MAGEL2: variants seen among roughly 807,000 people sequenced by gnomAD.
MAGEL2 encodes MAGE-like protein 2.
For missense variants in MAGEL2, 1,830 were observed against 1,699.2 expected (o/e 1.08, Z -1.35); for synonymous variants, 792 against 721.7 (o/e 1.10, Z -1.56).
Position 23,646,142 on chromosome 15 carries a change from G to T in MAGEL2, c.1601C>A (p.Pro534Gln). ...RQAPQARLPA[P>Q]QVQAAPQVPT... ...CACCTGCGGCGCCGCCTGCACCTGC[G>T]GGGCCGGCAGCCTAGCCTGCGGGGC... The change falls in exon 1 of 1, where the codon CCG becomes CAG. Residue 534 changes from proline (P) to glutamine (Q), a missense_variant. Physicochemically the swap from Pro to Gln is moderately conservative, Grantham distance 76. Transcript: ENST00000650528. This position sits in a 1 kb window ranked among gnomAD's most constrained non-coding sequence, Gnocchi z 4.2. 1 of 1,348,670 alleles carries T rather than the reference G, an allele frequency of 7.4e-7. No individual in the cohort carries two copies. Among genetic ancestry groups the T allele is most frequent in the Non-Finnish European group, 9.4e-7 (1 of 1,058,638 alleles). 83.5% of individuals were successfully genotyped at this position (1,348,670 alleles called of 1,614,324 possible).
At position 23,643,702 on chromosome 15, in the gene MAGEL2, T is replaced by C. The variant is rs2140711300; in HGVS notation, c.*291A>G. 3.0e-6 allele frequency: 1 copy of C among 328,900 alleles called. No individual in the cohort carries two copies. The highest frequency in any genetic ancestry group is 2.1e-5 in the African/African-American group (1 of 47,182). 20.4% of individuals were successfully genotyped at this position (328,900 alleles called of 1,614,324 possible). On this transcript the variant is annotated 3_prime_UTR_variant, in exon 1 of 1. Transcript: ENST00000650528. ...GAGATGGATAGCTTCTCAATTCATT[T>C]CACAAAGCCAGCACAAAGCTGATAC...
In MAGEL2 at chr15:23,644,640, C is replaced by T; in HGVS notation, c.3103G>A (p.Asp1035Asn). 1 of 1,613,888 alleles carries T rather than the reference C, an allele frequency of 6.2e-7. No individual in the cohort carries two copies. Among genetic ancestry groups the T allele is most frequent in the Non-Finnish European group, 8.5e-7 (1 of 1,179,882 alleles). ...NALVQFLLVKDQAKVPVQRSE... is the reference protein window; with the variant it reads ...NALVQFLLVKNQAKVPVQRSE... ...CGCTGGACAGGCACCTTGGCTTGGT[C>T]CTTGACTAAGAGGAACTGCACCAAC... is the stretch of plus-strand genomic sequence containing the variant. The change falls in exon 1 of 1, where the codon GAC becomes AAC. Residue 1035 changes from aspartate to asparagine, a missense_variant. By Grantham distance (23) the Asp-to-Asn change is conservative. Transcript: ENST00000650528.
Position 23,647,179 on chromosome 15 carries a change from C to A in MAGEL2, c.564G>T (p.Pro188=), listed in dbSNP as rs899548958. The A allele has an allele frequency of 8.5e-6, 13 of 1,521,270 alleles. No individual in the cohort carries two copies. The African/African-American group carries it at 1.8e-4, about 21-fold the overall frequency. 94.2% of individuals were successfully genotyped at this position (1,521,270 alleles called of 1,614,324 possible). A position where few individuals can be genotyped will look rare whatever the true frequency, so the allele number is the denominator to read the frequency against. The change falls in exon 1 of 1, where the codon CCG becomes CCT. Residue 188 remains proline (P), a synonymous_variant. Coordinates refer to ENST00000650528, the MANE Select transcript of MAGEL2 (RefSeq NM_019066.5). ...PMVHPPPPGT[P]MAHPPPPGTP... ...TCCCCGGAGGGGGAGGATGAGCCAT[C>A]GGGGTCCCCGGAGGAGGAGGATGCA...
rs376561425 is a variant in MAGEL2, at chr15:23,646,396, G to T, written c.1347C>A (p.Pro449=). ...TCACGGGTGGGGCCTGGCGGATCAC[G>T]GGTGGGGCCTGGCGGATCACCGGTG... is the stretch of plus-strand genomic sequence containing the variant. The part of the protein sequence containing the change: ...QAPPVIRQAP[P]VIRQAPPVIR... The change falls in exon 1 of 1, where the codon CCC becomes CCA. Residue 449 remains proline (P), a synonymous_variant. Transcript: ENST00000650528. The surrounding 1 kb of genome is among the most constrained non-coding windows in gnomAD (Gnocchi z 4.2). The T allele has an allele frequency of 2.9e-6, 4 of 1,378,056 alleles. No individual in the cohort carries two copies. Among genetic ancestry groups the T allele is most frequent in the Admixed American group, 3.6e-5 (1 of 28,030 alleles). The allele number at this position is 1,378,056 out of a possible 1,614,324, so 85.4% of individuals were successfully genotyped here.
At position 23,644,453 on chromosome 15, in the gene MAGEL2, G is replaced by C. The variant is rs1388240703; in HGVS notation, c.3290C>G (p.Thr1097Arg). Reference sequence around the variant, plus strand: ...TAAATAGGATGCCACCAAATTCCCTGTATGGTAGCCCAGCTTGTTGATGAT... The same window carrying C: ...TAAATAGGATGCCACCAAATTCCCTCTATGGTAGCCCAGCTTGTTGATGAT... ...YIIINKLGYH[T>R]GNLVASYLDR... The change falls in exon 1 of 1, where the codon ACA (threonine) becomes AGA (arginine). Residue 1097 changes from threonine (T) to arginine (R), a missense_variant. By Grantham distance (71) the Thr-to-Arg change is moderately conservative. Transcript: ENST00000650528. 1.9e-6 allele frequency: 3 copies of C among 1,613,918 alleles called. No homozygotes were observed. The highest frequency in any genetic ancestry group is 2.2e-5 in the South Asian group (2 of 91,080).
At position 23,644,512 on chromosome 15, in the gene MAGEL2, C is replaced by T. The variant is rs915480545; in HGVS notation, c.3231G>A (p.Leu1077=). Residue 1077 remains leucine (L), a synonymous_variant, in exon 1 of 1, where the codon TTG becomes TTA. Transcript: ENST00000650528. ...CGTGGTTTTTGGTATCAATTTCTTT[C>T]AATTGATAACCAAAGGCACACTCCA... ...NKLECAFGYQ[L]KEIDTKNHAY... 12 of 1,613,744 alleles carry T rather than the reference C, an allele frequency of 7.4e-6. No individual in the cohort carries two copies. The highest frequency in any genetic ancestry group is 1.0e-5 in the Non-Finnish European group (12 of 1,179,868).
Position 23,644,881 on chromosome 15 carries a change from G to T in MAGEL2, c.2862C>A (p.Ile954=). Residue 954 remains isoleucine (I), a synonymous_variant, in exon 1 of 1, where the codon ATC becomes ATA. Coordinates refer to ENST00000650528, the MANE Select transcript of MAGEL2 (RefSeq NM_019066.5). Reference sequence around the variant, plus strand: ...CGCTGGGCCCTTCCCAGCCACTCAGGATCCTGGAGGTGCTAGGGCCCTCCC... The same window carrying T: ...CGCTGGGCCCTTCCCAGCCACTCAGTATCCTGGAGGTGCTAGGGCCCTCCC... ...SGWEGPSTSR[I]LSGWEGPSAS... The T allele has an allele frequency of 6.2e-7, 1 of 1,612,796 alleles. No individual in the cohort carries two copies. The highest frequency in any genetic ancestry group is 8.5e-7 in the Non-Finnish European group (1 of 1,179,842).
Position 23,646,801 on chromosome 15 carries a change from T to A in MAGEL2, c.942A>T (p.Pro314=). Residue 314 remains proline (P), a synonymous_variant, in exon 1 of 1, where the codon CCA becomes CCT. Coordinates refer to ENST00000650528, the MANE Select transcript of MAGEL2 (RefSeq NM_019066.5). This position sits in a 1 kb window ranked among gnomAD's most constrained non-coding sequence, Gnocchi z 4.2. ...CAGGTGGGGCCATCGGCTGTGCAGG[T>A]GGGGCCGCCGGCTGTGCCATCGGTG... ...SGAPMAQPAA[P]PAQPMAPPAQ... is the part of the protein sequence containing the mutation. 3.3e-6 allele frequency: 5 copies of A among 1,535,086 alleles called. No individual in the cohort carries two copies. Among genetic ancestry groups the A allele is most frequent in the Middle Eastern group, 1.7e-4 (1 of 5,976 alleles).
At position 23,647,218 on chromosome 15, in the gene MAGEL2, CGGA is replaced by C. The variant is rs951101870; in HGVS notation, c.522_524del (p.Pro175del). 1.4e-5 allele frequency: 22 copies of C among 1,521,454 alleles called. 1 individual carries two copies. In the African/African-American group the frequency reaches 2.7e-4, roughly 19 times the overall value. 94.2% of individuals were successfully genotyped at this position (1,521,454 alleles called of 1,614,324 possible). On this transcript the variant is annotated inframe_deletion, in exon 1 of 1. Transcript: ENST00000650528. ...GAGGAGGATGCACCATCGGGGTCCC[CGGA>C]GGAGGAGGATGGGCCATCGGGGTCC...
At position 23,646,327 on chromosome 15, in the gene MAGEL2, G is replaced by T; in HGVS notation, c.1416C>A (p.Ile472=). 7.3e-7 allele frequency: 1 copy of T among 1,372,436 alleles called. No individual in the cohort carries two copies. The highest frequency in any genetic ancestry group is 9.3e-7 in the Non-Finnish European group (1 of 1,073,424). 85.0% of individuals were successfully genotyped at this position (1,372,436 alleles called of 1,614,324 possible). A position where few individuals can be genotyped will look rare whatever the true frequency, so the allele number is the denominator to read the frequency against. The change falls in exon 1 of 1, where the codon ATC becomes ATA. Residue 472 remains isoleucine (I), a synonymous_variant. Coordinates refer to ENST00000650528, the MANE Select transcript of MAGEL2 (RefSeq NM_019066.5). The surrounding 1 kb of genome is among the most constrained non-coding windows in gnomAD (Gnocchi z 4.2). The part of the protein sequence containing the change: ...PAVIRQAPPV[I]RQAPPVIRQA... Reference sequence around the variant, plus strand: ...GGCGGATCACAGGTGGGGCCTGGCGGATCACAGGTGGGGCCTGGCGGATCA... The same window carrying T: ...GGCGGATCACAGGTGGGGCCTGGCGTATCACAGGTGGGGCCTGGCGGATCA...
At position 23,647,371 on chromosome 15, in the gene MAGEL2, G is replaced by T. The variant is rs1595334043; in HGVS notation, c.372C>A (p.Thr124=). 1.3e-6 allele frequency: 2 copies of T among 1,516,874 alleles called. No individual in the cohort carries two copies. The highest frequency in any genetic ancestry group is 2.9e-5 in the African/African-American group (2 of 69,408). The allele number at this position is 1,516,874 out of a possible 1,614,324, so 94.0% of individuals were successfully genotyped here. Residue 124 remains threonine (T), a synonymous_variant, in exon 1 of 1, where the codon ACC becomes ACA. Coordinates refer to ENST00000650528, the MANE Select transcript of MAGEL2 (RefSeq NM_019066.5). ...AAGGATGCACCATCAGGACTCCCGGGGTCGGAGGCTGGGCCATCGGGGCTC... is the reference window on the plus strand; with the variant it reads ...AAGGATGCACCATCAGGACTCCCGGTGTCGGAGGCTGGGCCATCGGGGCTC... ...PPGAPMAQPP[T]PGVLMVHPSA...
rs2233066 is a variant in MAGEL2, at chr15:23,645,132, C to A, written c.2611G>T (p.Ala871Ser). ...GGCGGCTCGACGGAGGTCTTGGAGG[C>A]CTCTTGAGTGGTGGCAGTTGCCTGG... The part of the protein sequence containing the change: ...APQATATTQE[A>S]SKTSVEPPRR... The change falls in exon 1 of 1, where the codon GCC becomes TCC. Residue 871 changes from alanine (A) to serine (S), a missense_variant. Ala to Ser is a moderately conservative substitution (Grantham distance 99). Coordinates refer to ENST00000650528, the MANE Select transcript of MAGEL2 (RefSeq NM_019066.5). 2,733 of 1,613,756 alleles carry A rather than the reference C, an allele frequency of 1.7e-3. 36 individuals are homozygous for A. In the African/African-American group the frequency reaches 0.033, roughly 19 times the overall value.
Position 23,644,853 on chromosome 15 carries a change from A to T in MAGEL2, c.2890T>A (p.Ser964Thr). ...CCCTCCCAGGCACTCAGGGCCCAGG[A>T]TGCGCTGGGCCCTTCCCAGCCACTC... Reference protein sequence around the residue: ...ILSGWEGPSASWALSAWEGPS... With the variant: ...ILSGWEGPSATWALSAWEGPS... Residue 964 changes from serine (S) to threonine (T), a missense_variant, in exon 1 of 1, where the codon TCC becomes ACC. Coordinates refer to ENST00000650528, the MANE Select transcript of MAGEL2 (RefSeq NM_019066.5). The T allele has an allele frequency of 1.2e-6, 2 of 1,612,194 alleles. No homozygotes were observed. Among genetic ancestry groups the T allele is most frequent in the Non-Finnish European group, 1.7e-6 (2 of 1,179,722 alleles).
Position 23,644,735 on chromosome 15 carries a change from G to T in MAGEL2, c.3008C>A (p.Ser1003Tyr), listed in dbSNP as rs781747956. The T allele has an allele frequency of 1.9e-6, 3 of 1,613,724 alleles. No individual in the cohort carries two copies. The highest frequency in any genetic ancestry group is 1.7e-5 in the Admixed American group (1 of 60,010). Residue 1003 changes from serine to tyrosine, a missense_variant, in exon 1 of 1, where the codon TCC becomes TAC. Ser to Tyr is a moderately radical substitution (Grantham distance 144). Transcript: ENST00000650528. ...CTTGGAATTATCCTGGGTGGCACTG[G>T]ATCCCGGAGAGACACTTGCGACCTC... is the stretch of plus-strand genomic sequence containing the variant. ...VSEVASVSPG[S>Y]SATQDNSKVE...
In MAGEL2 at chr15:23,645,142, G is replaced by T. The variant is rs1428210288; in HGVS notation, c.2601C>A (p.Thr867=). The T allele has an allele frequency of 3.7e-6, 6 of 1,613,754 alleles. No homozygotes were observed. The highest frequency in any genetic ancestry group is 4.2e-6 in the Non-Finnish European group (5 of 1,179,898). The change falls in exon 1 of 1, where the codon ACC becomes ACA. Residue 867 remains threonine, a synonymous_variant. Transcript: ENST00000650528. The stretch of plus-strand genomic sequence containing the variant: ...CGGAGGTCTTGGAGGCCTCTTGAGT[G>T]GTGGCAGTTGCCTGGGGGGCAGCTG... ...ATAAAPQATA[T]TQEASKTSVE...
chr15:23,645,170 G>A lies in MAGEL2; in HGVS notation c.2573C>T (p.Thr858Ile). 1 of 1,613,776 alleles carries A rather than the reference G, an allele frequency of 6.2e-7. No homozygotes were observed. Among genetic ancestry groups the A allele is most frequent in the Non-Finnish European group, 8.5e-7 (1 of 1,179,898 alleles). Residue 858 changes from threonine (T) to isoleucine (I), a missense_variant, in exon 1 of 1, where the codon ACA becomes ATA. Thr to Ile is a moderately conservative substitution (Grantham distance 89, BLOSUM62 -1). Transcript: ENST00000650528. ...GGCAGTTGCCTGGGGGGCAGCTGCT[G>A]TAGCCATCAGGAAGGTGGGCACTGC... ...SQAVPTFLMA[T>I]AAAPQATATT...
rs1595334167 is a variant in MAGEL2, at chr15:23,647,520, G to A, written c.223C>T (p.Pro75Ser). ...WEAPQGQLPA[P>S]VVPMTQPPAL... ...GGAGGCTGGGTCATCGGAACCACCG[G>A]GGCGGGCAGCTGGCCCTGTGGGGCC... Residue 75 changes from proline to serine, a missense_variant, in exon 1 of 1, where the codon CCG (proline) becomes TCG (serine). Transcript: ENST00000650528. 6.5e-7 allele frequency: 1 copy of A among 1,531,432 alleles called. No individual in the cohort carries two copies. The highest frequency in any genetic ancestry group is 1.4e-5 in the African/African-American group (1 of 72,978). The allele number at this position is 1,531,432 out of a possible 1,614,324, so 94.9% of individuals were successfully genotyped here.
chr15:23,645,225 G>A lies in MAGEL2; in HGVS notation c.2518C>T (p.Pro840Ser), dbSNP rs889293996. 5.0e-6 allele frequency: 8 copies of A among 1,613,926 alleles called. No individual in the cohort carries two copies. The highest frequency in any genetic ancestry group is 2.2e-5 in the East Asian group (1 of 44,870). The change falls in exon 1 of 1, where the codon CCC (proline) becomes TCC (serine). Residue 840 changes from proline to serine, a missense_variant. By Grantham distance (74) the Pro-to-Ser change is moderately conservative (BLOSUM62 -1). Transcript: ENST00000650528. ...ALPAVPWVPQ[P>S]NMNASKASQA... is the part of the protein sequence containing the mutation. ...GATGCCTTTGAGGCATTCATATTGG[G>A]CTGTGGGACCCATGGAACTGCAGGC...
Position 23,647,099 on chromosome 15 carries a change from G to T in MAGEL2, c.644C>A (p.Pro215Gln). 9.8e-6 allele frequency: 15 copies of T among 1,532,946 alleles called. No homozygotes were observed. The highest frequency in any genetic ancestry group is 1.3e-5 in the Non-Finnish European group (15 of 1,145,014). 95.0% of individuals were successfully genotyped at this position (1,532,946 alleles called of 1,614,324 possible). The change falls in exon 1 of 1, where the codon CCG (proline) becomes CAG (glutamine). Residue 215 changes from proline to glutamine, a missense_variant. By Grantham distance (76) the Pro-to-Gln change is moderately conservative (BLOSUM62 -1). Coordinates refer to ENST00000650528, the MANE Select transcript of MAGEL2 (RefSeq NM_019066.5). ...GGGAGGATGAGCCATCGGTGTCCCC[G>T]GAGGTGGAGGATGAGCCATCGGTGT... is the stretch of plus-strand genomic sequence containing the variant. ...PGTPMAHPPP[P>Q]GTPMAHPPPP... is the part of the protein sequence containing the mutation.
Sources: gnomAD v4.1 joint callset for allele counts on GRCh38, gnomAD v4.1.1 for gene constraint, Gnocchi (gnomAD v3.1) non-coding constraint, MANE v1.5 for transcripts, NCBI Gene and HGNC (gene_info 2026-07-23, HGNC 2026-07-21) for gene names.